Variants in GRIN2A observed in about 807,000 individuals in gnomAD.
GRIN2A encodes glutamate ionotropic receptor NMDA type subunit 2A.
A neutral mutation model predicts 113.4 loss-of-function variants in GRIN2A; 22 were observed. The ratio of observed to expected loss-of-function variants is 0.19; its 90% CI spans 0.14 to 0.28. GRIN2A has a LOEUF of 0.28. Among genes scored for constraint, GRIN2A ranks in the 10% least tolerant of loss-of-function variants. GRIN2A has a pLI of 1.00. For synonymous variants in GRIN2A, 827 were observed against 738.4 expected, an observed-to-expected ratio of 1.12 and a Z score of -1.94; for missense variants, 1,502 against 1,887.0, an observed-to-expected ratio of 0.80 and a Z score of 3.78.
At chr16:10,120,130 T>C (rs962758559) in intron 2 of GRIN2A, among the ~76,000 whole-genome samples, 2 of 152,188 alleles carry the variant, frequency 1.3e-5, no homozygotes, top group Non-Finnish European at 2.9e-5. Flanking sequence ...GATAATTCTG[T>C]TTTAAGTTCT....
At chr16:10,073,021 G>A (rs1295015598) in intron 2 of GRIN2A, among the ~76,000 whole-genome samples, 1 of 138,100 alleles carries the variant, frequency 7.2e-6, no homozygotes, top group African/African-American at 2.7e-5. Flanking sequence ...AGTGGCCCAA[G>A]CTCGGCTTAC....
intron 4 of GRIN2A, among the ~76,000 whole-genome samples, chr16:9,858,950 A>G (rs2043014631): frequency 6.6e-6 from 1 of 152,190 alleles, no homozygotes; most frequent in Non-Finnish European, 1.5e-5. Context: ...TACAAGAGAC[A>G]ATTAAAATAA....
intron 2 of GRIN2A, among the ~76,000 whole-genome samples, chr16:10,033,458 AT>A (rs1183946744): frequency 6.6e-6 from 1 of 152,208 alleles, no homozygotes; most frequent in Non-Finnish European, 1.5e-5. Context: ...TACGATGAAA[AT>A]AAACAGGATG....
At chr16:9,959,929 G>A (rs950199770) in intron 2 of GRIN2A, among the ~76,000 whole-genome samples, 7 of 152,012 alleles carry the variant, frequency 4.6e-5, no homozygotes, top group Admixed American at 2.6e-4. Context: ...GCCAAAATCG[G>A]GCCACTGCAC....
intron 2 of GRIN2A, among the ~76,000 whole-genome samples, chr16:9,974,057 T>A (rs920116569): frequency 1.3e-5 from 2 of 152,214 alleles, no homozygotes; most frequent in Non-Finnish European, 2.9e-5. Context: ...TACATATGCA[T>A]GTGACTATTT....
intron 2 of GRIN2A, among the ~76,000 whole-genome samples, chr16:9,999,395 T>C (rs187692394): frequency 2.0e-5 from 3 of 152,332 alleles, no homozygotes; most frequent in Admixed American, 6.5e-5. Context: ...ATATACACTA[T>C]GGAATACTAT....
intron 2 of GRIN2A, chr16:10,112,755 C>G (rs1309217231): frequency 1.4e-6 from 1 of 719,966 alleles, no homozygotes; most frequent in Admixed American, 1.7e-5. Context: ...TGTGCCCTAC[C>G]TCATAGCGAG....
At chr16:9,939,654 C>T (rs907666096) in intron 2 of GRIN2A, among the ~76,000 whole-genome samples, 1 of 152,130 alleles carries the variant, frequency 6.6e-6, no homozygotes, top group Non-Finnish European at 1.5e-5. Flanking sequence ...GCAGGGAAAA[C>T]GAGGCTCAAA....
chr16:9,910,069 T>C (rs1236295756), intron 3 of GRIN2A, among the ~76,000 whole-genome samples: 2 of 152,238 alleles, frequency 1.3e-5, no homozygotes, highest in African/African-American at 4.8e-5. Context: ...TTCTATAGTA[T>C]GGACAAAACC....
intron 3 of GRIN2A, among the ~76,000 whole-genome samples, chr16:9,915,393 AC>A (rs2044229125): frequency 6.6e-6 from 1 of 152,154 alleles, no homozygotes; most frequent in East Asian, 1.9e-4. Context: ...AACAGCACAG[AC>A]CTACACAACT....
At chr16:10,132,327 C>T (rs985753474) in intron 2 of GRIN2A, among the ~76,000 whole-genome samples, 1 of 71,698 alleles carries the variant, frequency 1.4e-5, no homozygotes, top group African/African-American at 4.4e-5. Context: ...ATGAGCAGAA[C>T]AAGACACCGT....
At chr16:9,772,695 C>T (rs1231368787) in intron 11 of GRIN2A, among the ~76,000 whole-genome samples, 1 of 151,892 alleles carries the variant, frequency 6.6e-6, no homozygotes, top group East Asian at 1.9e-4. Flanking sequence ...TCTGGGAGGA[C>T]ACAAAAATGG....
chr16:10,142,480 G>T (rs1482723736), intron 2 of GRIN2A, among the ~76,000 whole-genome samples: 5 of 152,134 alleles, frequency 3.3e-5, no homozygotes, highest in African/African-American at 7.2e-5. Context: ...GAGGATCAAG[G>T]CCACAAGTTC....
chr16:9,901,369 G>C (rs1481873752), intron 3 of GRIN2A, among the ~76,000 whole-genome samples: 1 of 152,160 alleles, frequency 6.6e-6, no homozygotes, highest in Non-Finnish European at 1.5e-5. Flanking sequence ...AAGGTCGGGG[G>C]TGATATGCCA....
intron 2 of GRIN2A, among the ~76,000 whole-genome samples, chr16:10,081,714 T>C (rs968984016): frequency 1.3e-5 from 2 of 152,150 alleles, no homozygotes; most frequent in South Asian, 4.1e-4. Flanking sequence ...GAAGCACACA[T>C]GAGACAAGCT....
intron 2 of GRIN2A, among the ~76,000 whole-genome samples, chr16:10,063,575 T>A (rs2047591867): frequency 6.6e-6 from 1 of 152,340 alleles, no homozygotes; most frequent in African/African-American, 2.4e-5. Flanking sequence ...ATCTGGATTT[T>A]CTGTCATAAA....
intron 2 of GRIN2A, among the ~76,000 whole-genome samples, chr16:10,120,871 C>T (rs2048819329): frequency 6.6e-6 from 1 of 152,074 alleles, no homozygotes; most frequent in Non-Finnish European, 1.5e-5. Flanking sequence ...TTCCACTCCC[C>T]TCCAGTCATC....
chr16:9,871,287 T>C (rs1408519437), intron 4 of GRIN2A, among the ~76,000 whole-genome samples: 2 of 152,158 alleles, frequency 1.3e-5, no homozygotes, highest in African/African-American at 4.8e-5. Flanking sequence ...GATGAGGACT[T>C]GCTTAACTGT....
At chr16:10,133,786 G>A (rs912126700) in intron 2 of GRIN2A, among the ~76,000 whole-genome samples, 2 of 152,130 alleles carry the variant, frequency 1.3e-5, no homozygotes, top group African/African-American at 4.8e-5. Flanking sequence ...CTCCCCAGAT[G>A]CAATTGTGGA....
Sources: gnomAD v4.1 joint callset for allele counts (sites outside exome capture counted in the v4.1 genomes callset) on GRCh38, gnomAD v4.1.1 for gene constraint, MANE v1.5 for transcripts, NCBI Gene and HGNC (gene_info 2026-07-23, HGNC 2026-07-21) for gene names.